FBXO34: variants seen among roughly 807,000 people sequenced by gnomAD.
FBXO34 encodes the protein F-box protein 34, also known as F-box only protein 34.
FBXO34 carries 12 observed loss-of-function variants against 24.5 expected under a neutral mutation model. The ratio of observed to expected loss-of-function variants is 0.49; its 90% CI spans 0.31 to 0.79. The LOEUF is 0.79. FBXO34 is among the 30% of genes least tolerant of loss of function. FBXO34 has a pLI of 0.04. For missense variants in FBXO34, 823 were observed against 857.7 expected, an observed-to-expected ratio of 0.96 and a Z score of 0.51; for synonymous variants, 320 against 311.9, an observed-to-expected ratio of 1.03 and a Z score of -0.27.
chr14:55,328,176 C>G (rs925135800), intron 1 of FBXO34, among the ~76,000 whole-genome samples: 1 of 151,932 alleles, frequency 6.6e-6, no homozygotes, highest in African/African-American at 2.4e-5. Flanking sequence ...CCAGGCTGGT[C>G]TCGAACTCCT....
At chr14:55,389,686 C>G in the FBXO34 span, among the ~76,000 whole-genome samples, 8,853 of 152,236 alleles carry the variant, frequency 0.058, 326 homozygotes, top group South Asian at 0.09. Flanking sequence ...CTCTTTGAGT[C>G]TGAAGTAAAT....
chr14:55,356,629 T>A (rs991610223), downstream of FBXO34, among the ~76,000 whole-genome samples: 11 of 134,536 alleles, frequency 8.2e-5, no homozygotes, highest in African/African-American at 2.8e-4. Context: ...TTTTTTTATT[T>A]TTTTATTTTT....
chr14:55,372,627 C>A (rs1475740354), downstream of FBXO34, among the ~76,000 whole-genome samples: 2 of 151,638 alleles, frequency 1.3e-5, no homozygotes, highest in African/African-American at 4.8e-5. Context: ...CCCTTCCTTT[C>A]TTCCCCAGTC....
At chr14:55,279,160 G>A (rs1394818470) in intron 1 of FBXO34, among the ~76,000 whole-genome samples, 1 of 152,040 alleles carries the variant, frequency 6.6e-6, no homozygotes, top group African/African-American at 2.4e-5. Context: ...GGTGGTGGGT[G>A]CCTGTAATCC....
At chr14:55,274,264 A>T (rs1026613366) in intron 1 of FBXO34, among the ~76,000 whole-genome samples, 7 of 152,206 alleles carry the variant, frequency 4.6e-5, no homozygotes, top group Non-Finnish European at 8.8e-5. Flanking sequence ...AAAATGAGTT[A>T]ATAGGTGAAG....
At chr14:55,432,421 A>AG in the FBXO34 span, among the ~76,000 whole-genome samples, 1 of 149,924 alleles carries the variant, frequency 6.7e-6, no homozygotes, top group Non-Finnish European at 1.5e-5. Context: ...TCAGAAAAAA[A>AG]AAAACAACAA....
chr14:55,278,833 C>T (rs889980714), intron 1 of FBXO34, among the ~76,000 whole-genome samples: 2 of 152,076 alleles, frequency 1.3e-5, no homozygotes, highest in South Asian at 2.1e-4. Flanking sequence ...ACCACAGGTG[C>T]GCACCACCAC....
the FBXO34 span, among the ~76,000 whole-genome samples, chr14:55,422,782 G>A: frequency 6.6e-6 from 1 of 152,156 alleles, no homozygotes; most frequent in Non-Finnish European, 1.5e-5. Flanking sequence ...GAACGCTGGA[G>A]GTGGAGGTTG....
intron 1 of FBXO34, among the ~76,000 whole-genome samples, chr14:55,301,954 A>G (rs1037760986): frequency 6.6e-6 from 1 of 152,234 alleles, no homozygotes; most frequent in African/African-American, 2.4e-5. Context: ...GCATTAGATC[A>G]GTTCTAAGCA....
At chr14:55,340,311 C>G (rs984247207) in intron 1 of FBXO34, among the ~76,000 whole-genome samples, 4 of 152,080 alleles carry the variant, frequency 2.6e-5, no homozygotes, top group Non-Finnish European at 5.9e-5. Context: ...GTGGCATGAT[C>G]ATAGCTCACT....
At chr14:55,428,748 C>G in the FBXO34 span, 1 of 1,529,898 alleles carries the variant, frequency 6.5e-7, no homozygotes, top group East Asian at 2.3e-5. Context: ...CGTAAGCAAC[C>G]CATAATGTAA....
downstream of FBXO34, among the ~76,000 whole-genome samples, chr14:55,356,696 G>C (rs1311464625): frequency 6.6e-6 from 1 of 151,650 alleles, no homozygotes; most frequent in Non-Finnish European, 1.5e-5. Flanking sequence ...CTGACCTTGT[G>C]ATCTGCCCAC....
At chr14:55,288,270 T>A (rs953539122) in intron 1 of FBXO34, among the ~76,000 whole-genome samples, 3 of 152,208 alleles carry the variant, frequency 2.0e-5, no homozygotes, top group African/African-American at 4.8e-5. Flanking sequence ...TTTTTTTGGG[T>A]ATTTCTAAAG....
the FBXO34 span, chr14:55,424,112 G>T: frequency 1.5e-6 from 2 of 1,330,476 alleles, no homozygotes; most frequent in Non-Finnish European, 2.2e-6. Context: ...CAAAGCACAT[G>T]CATAGCAATT....
At chr14:55,416,760 G>A in the FBXO34 span, among the ~76,000 whole-genome samples, 1 of 152,164 alleles carries the variant, frequency 6.6e-6, no homozygotes, top group Non-Finnish European at 1.5e-5. Flanking sequence ...GAACAACCTT[G>A]TTAGCAGACA....
intron 1 of FBXO34, among the ~76,000 whole-genome samples, chr14:55,324,653 C>T (rs531224791): frequency 1.3e-5 from 2 of 151,984 alleles, no homozygotes; most frequent in South Asian, 2.1e-4. Flanking sequence ...ATCTTTATTT[C>T]TAGCTCTGTA....
chr14:55,396,555 G>A, the FBXO34 span, among the ~76,000 whole-genome samples: 2 of 152,320 alleles, frequency 1.3e-5, no homozygotes, highest in African/African-American at 4.8e-5. Flanking sequence ...TCAGTGGCCT[G>A]AGCATTAACT....
At chr14:55,438,738 C>A in the FBXO34 span, 1 of 152,192 alleles carries the variant, frequency 6.6e-6, no homozygotes, top group Non-Finnish European at 1.5e-5. Context: ...GTAGCACGTT[C>A]ACTGCATCCT....
chr14:55,339,744 G>A (rs1883927204), intron 1 of FBXO34, among the ~76,000 whole-genome samples: 2 of 152,164 alleles, frequency 1.3e-5, no homozygotes, highest in South Asian at 2.1e-4. Context: ...AGGCACCAAA[G>A]CAGCAATGTT....
Sources: gnomAD v4.1 joint callset for allele counts (sites outside exome capture counted in the v4.1 genomes callset) on GRCh38, gnomAD v4.1.1 for gene constraint, MANE v1.5 for transcripts, NCBI Gene and HGNC (gene_info 2026-07-23, HGNC 2026-07-21) for gene names.